Variants in PIK3R2 observed in about 807,000 individuals in gnomAD.
PIK3R2 encodes the protein phosphoinositide-3-kinase regulatory subunit 2, also known as phosphatidylinositol 3-kinase regulatory subunit beta.
PIK3R2 carries 40 observed loss-of-function variants against 78.5 expected under a neutral mutation model. That is an observed-to-expected ratio of 0.51 (90% CI 0.40 to 0.66). The LOEUF is 0.66. PIK3R2 is among the 30% of genes least tolerant of loss of function. The probability of loss-of-function intolerance (pLI) is 0.00; values close to 1 mark genes in which losing one functional copy is unlikely to be tolerated. For synonymous variants in PIK3R2, 473 were observed against 457.7 expected, an observed-to-expected ratio of 1.03 and a Z score of -0.43; for missense variants, 880 against 1,026.6, an observed-to-expected ratio of 0.86 and a Z score of 1.95.
rs2043825976 is a variant in PIK3R2 at position 18,167,951 on chromosome 19, C to G, written c.1737-524C>G. Among the ~76,000 whole-genome samples, 2 of 152,188 alleles carry G rather than the reference C, an allele frequency of 1.3e-5. No homozygotes were observed. Among genetic ancestry groups the G allele is most frequent in the African/African-American group, 4.8e-5 (2 of 41,442 alleles). On this transcript the variant is annotated intron_variant, in intron 13 of 15. Coordinates refer to ENST00000222254, the MANE Select transcript of PIK3R2 (RefSeq NM_005027.4). The surrounding 1 kb of genome is among the most constrained non-coding windows in gnomAD (Gnocchi z 4.5). ...GCCCTGTCCTGGGTTCAAATCAGTT[C>G]AAATCCTGCCCCCACCCACCAACCT... is the stretch of plus-strand genomic sequence containing the variant.
rs1277541326 is a variant in PIK3R2 at position 18,155,837 on chromosome 19, A to C, written c.-43A>C. Reference sequence around the variant, plus strand: ...AACCAATGGGGCCAGTGGGGCTCCAAGCAGCCACCTAACCATCCAGACCCC... The same window carrying C: ...AACCAATGGGGCCAGTGGGGCTCCACGCAGCCACCTAACCATCCAGACCCC... On this transcript the variant is annotated 5_prime_UTR_variant, in exon 2 of 16. Coordinates refer to ENST00000222254, the MANE Select transcript of PIK3R2 (RefSeq NM_005027.4). 4.0e-6 allele frequency: 6 copies of C among 1,485,554 alleles called. No individual in the cohort carries two copies. Among genetic ancestry groups the C allele is most frequent in the Admixed American group, 2.2e-5 (1 of 44,796 alleles). The allele number at this position is 1,485,554 out of a possible 1,614,324, so 92.0% of individuals were successfully genotyped here.
Position 18,169,171 on chromosome 19 carries a change from G to A in PIK3R2, c.2064G>A (p.Ser688=), listed in dbSNP as rs757487612. 3 of 1,610,282 alleles carry A rather than the reference G, an allele frequency of 1.9e-6. No homozygotes were observed. The highest frequency in any genetic ancestry group is 1.1e-5 in the South Asian group (1 of 91,056). The change falls in exon 16 of 16, where the codon TCG becomes TCA. Residue 688 remains serine, a synonymous_variant. Coordinates refer to ENST00000222254, the MANE Select transcript of PIK3R2 (RefSeq NM_005027.4). The part of the protein sequence containing the change: ...GFAEPYNLYG[S]LKELVLHYQH... ...CGGAGCCCTACAACCTGTACGGGTC[G>A]CTGAAGGAGCTGGTGCTGCACTACC...
intron 7 of PIK3R2, 57 bp from the exon 8 acceptor site, chr19:18,162,145 G>A: frequency 7.0e-7 from 1 of 1,433,708 alleles, no homozygotes; most frequent in South Asian, 1.1e-5. Context: ...GTTGCAGTGG[G>A]AGGCAGCCAC....
At chr19:18,164,828 G>A (rs2043790595) in intron 11 of PIK3R2, among the ~76,000 whole-genome samples, 1 of 149,170 alleles carries the variant, frequency 6.7e-6, no homozygotes, top group Non-Finnish European at 1.5e-5. Flanking sequence ...TAGAGATGGG[G>A]TTTTGCTGTG....
At position 18,169,473 on chromosome 19, in the gene PIK3R2, C is replaced by T; in HGVS notation, c.*179C>T. On this transcript the variant is annotated 3_prime_UTR_variant, in exon 16 of 16. Coordinates refer to ENST00000222254, the MANE Select transcript of PIK3R2 (RefSeq NM_005027.4). ...TCCTTCCCTCCCCCATTCTCCAGAT[C>T]TCCCTCTGTCTCCTTTTCTCTGTCT... 1 of 358,196 alleles carries T rather than the reference C, an allele frequency of 2.8e-6. No homozygotes were observed. Among genetic ancestry groups the T allele is most frequent in the Non-Finnish European group, 5.0e-6 (1 of 199,186 alleles). The allele number at this position is 358,196 out of a possible 1,614,324, so 22.2% of individuals were successfully genotyped here.
rs375657339 is a variant in PIK3R2 at position 18,155,544 on chromosome 19, G to A, written c.-336G>A. 4.5e-6 allele frequency: 2 copies of A among 445,980 alleles called. No individual in the cohort carries two copies. The highest frequency in any genetic ancestry group is 5.6e-4 in the Middle Eastern group (1 of 1,784). The allele number at this position is 445,980 out of a possible 1,614,324, so 27.6% of individuals were successfully genotyped here. Reference sequence around the variant, plus strand: ...CAGCCAGCAGAGCCGCCAGCCTTGGGCGCCCATGGCCCTCCGTGTGAGGGC... The same window carrying A: ...CAGCCAGCAGAGCCGCCAGCCTTGGACGCCCATGGCCCTCCGTGTGAGGGC... On this transcript the variant is annotated 5_prime_UTR_variant, in exon 2 of 16. Coordinates refer to ENST00000222254, the MANE Select transcript of PIK3R2 (RefSeq NM_005027.4).
rs748292142 is a variant in PIK3R2 at position 18,166,075 on chromosome 19, G to T, written c.1417-85G>T. On this transcript the variant is annotated intron_variant, in intron 11 of 15. Coordinates refer to ENST00000222254, the MANE Select transcript of PIK3R2 (RefSeq NM_005027.4). The stretch of plus-strand genomic sequence containing the variant: ...AGAGGGACCAGCTTGAGCAGTCTCC[G>T]TATCAGAGTTGAGATGTGCCTTTAC... The T allele has an allele frequency of 6.5e-6, 10 of 1,538,614 alleles. No individual in the cohort carries two copies. The African/African-American group carries it at 1.4e-4, about 21-fold the overall frequency.
Position 18,161,065 on chromosome 19 carries a change from A to G in PIK3R2, c.478A>G (p.Ser160Gly), listed in dbSNP as rs2147950067. ...LPAPRTDWSL[S>G]DVDQWDTAAL... Reference sequence around the variant, plus strand: ...CCCTGCACCCGCAGACTGGTCCCTGAGCGACGTGGATCAGTGGGACACGGC... The same window carrying G: ...CCCTGCACCCGCAGACTGGTCCCTGGGCGACGTGGATCAGTGGGACACGGC... Residue 160 changes from serine (S) to glycine (G), a missense_variant, in exon 5 of 16, where the codon AGC (serine) becomes GGC (glycine). This residue lies in a region of PIK3R2 where 456 missense variants were observed against 486.6 expected (regional missense o/e 0.94). Transcript: ENST00000222254. The surrounding 1 kb of genome is among the most constrained non-coding windows in gnomAD (Gnocchi z 5.3). The G allele has an allele frequency of 2.5e-6, 4 of 1,611,058 alleles. No homozygotes were observed. The highest frequency in any genetic ancestry group is 2.5e-6 in the Non-Finnish European group (3 of 1,179,144).
In PIK3R2 at chr19:18,162,064, T is replaced by C. The variant is rs760604724; in HGVS notation, c.901+13T>C. ...GTTGCGCCCCCAGGTGAGTCCCCTG[T>C]ATTGCTGTCATTTCTTCCCGTTGGG... On this transcript the variant is annotated intron_variant, in intron 7 of 15. Transcript: ENST00000222254. 6 of 1,610,526 alleles carry C rather than the reference T, an allele frequency of 3.7e-6. No homozygotes were observed.
At chr19:18,159,163 T>TTTTTTTTTTTTA (rs1555813899) in intron 2 of PIK3R2, among the ~76,000 whole-genome samples, 12 of 140,448 alleles carry the variant, frequency 8.5e-5, no homozygotes, top group Admixed American at 1.5e-4. Flanking sequence ...TTTTTTTTTT[T>TTTTTTTTTTTTA]AAATTATTTA....
In PIK3R2 at chr19:18,163,219, C is replaced by G. The variant is rs746153869; in HGVS notation, c.1291-44C>G. The stretch of plus-strand genomic sequence containing the variant: ...CAGGCCTCAGTTTCCTAGGTAGACC[C>G]GACCAGGCTATGCATCTCCCCTCAT... On this transcript the variant is annotated intron_variant, in intron 10 of 15. Transcript: ENST00000222254. 5 of 1,613,984 alleles carry G rather than the reference C, an allele frequency of 3.1e-6. No individual in the cohort carries two copies. The Admixed American group carries it at 8.3e-5, about 27-fold the overall frequency.
chr19:18,161,377 G>GCCCGCCGCGC lies in PIK3R2; in HGVS notation c.699_700insCGCCGCGCCC (p.Ser234ArgfsTer44). 5 of 1,257,232 alleles carry GCCCGCCGCGC rather than the reference G, an allele frequency of 4.0e-6. No individual in the cohort carries two copies. Among genetic ancestry groups the GCCCGCCGCGC allele is most frequent in the Non-Finnish European group, 5.0e-6 (5 of 1,002,364 alleles). 77.9% of individuals were successfully genotyped at this position (1,257,232 alleles called of 1,614,324 possible). On this transcript the variant is annotated frameshift_variant, in exon 6 of 16. Transcript: ENST00000222254. LOFTEE classifies it high-confidence loss of function. The surrounding 1 kb of genome is among the most constrained non-coding windows in gnomAD (Gnocchi z 5.3). ...CCTGCTCCAGCACCTGGGCCGCGTGGCCAGCCGCGCCCCGGCCCTGGGTCC... is the reference window on the plus strand; with the variant it reads ...CCTGCTCCAGCACCTGGGCCGCGTGGCCCGCCGCGCCCAGCCGCGCCCCGGCCCTGGGTCC...
chr19:18,157,453 A>G (rs1399714293), intron 2 of PIK3R2, among the ~76,000 whole-genome samples: 1 of 152,198 alleles, frequency 6.6e-6, no homozygotes, highest in Admixed American at 6.5e-5. Flanking sequence ...TCGAGGCCTC[A>G]GTTTCCTCAT....
At position 18,161,642 on chromosome 19, in the gene PIK3R2, G is replaced by A; in HGVS notation, c.815+147G>A. The A allele has an allele frequency of 2.0e-6, 1 of 506,280 alleles. No homozygotes were observed. Among genetic ancestry groups the A allele is most frequent in the Middle Eastern group, 5.3e-4 (1 of 1,890 alleles). The allele number at this position is 506,280 out of a possible 1,614,324, so 31.4% of individuals were successfully genotyped here. ...AGCTGCGTTCTTGTGATGACGGAGC[G>A]GAGACCTGGGCTCCTGAGTCGTGGG... On this transcript the variant is annotated intron_variant, in intron 6 of 15. Transcript: ENST00000222254. This position sits in a 1 kb window ranked among gnomAD's most constrained non-coding sequence, Gnocchi z 5.3.
At position 18,155,516 on chromosome 19, in the gene PIK3R2, G is replaced by A. The variant is rs2147944184; in HGVS notation, c.-364G>A. On this transcript the variant is annotated 5_prime_UTR_variant, in exon 2 of 16. In the 5' UTR this introduces an upstream ATG that the reference lacks. Transcript: ENST00000222254. The stretch of plus-strand genomic sequence containing the variant: ...CCTGCACCCTTGGCTCCCTTGTCTG[G>A]TGCAGCCAGCAGAGCCGCCAGCCTT... 2.3e-6 allele frequency: 1 copy of A among 435,546 alleles called. No homozygotes were observed. The allele number at this position is 435,546 out of a possible 1,614,324, so 27.0% of individuals were successfully genotyped here. A position where few individuals can be genotyped will look rare whatever the true frequency, so the allele number is the denominator to read the frequency against.
rs752430880 is a variant in PIK3R2 at position 18,156,150 on chromosome 19, C to T, written c.271C>T (p.Arg91Trp). 37 of 1,465,910 alleles carry T rather than the reference C, an allele frequency of 2.5e-5. No individual in the cohort carries two copies. Among genetic ancestry groups the T allele is most frequent in the African/African-American group, 3.0e-5 (2 of 67,758 alleles). 90.8% of individuals were successfully genotyped at this position (1,465,910 alleles called of 1,614,324 possible). Residue 91 changes from arginine (R) to tryptophan (W), a missense_variant, in exon 2 of 16, where the codon CGG becomes TGG. By Grantham distance (101) the Arg-to-Trp change is moderately radical. Transcript: ENST00000222254. This position sits in a 1 kb window ranked among gnomAD's most constrained non-coding sequence, Gnocchi z 4.2. ...VALARPGPRP[R>W]GPRPLPARPR... ...CCTGGCCCGGCCCGGCCCTCGCCCA[C>T]GGGGCCCCCGCCCACTGCCCGCCAG...
At chr19:18,154,784 G>C (rs2043659856) in intron 1 of PIK3R2, among the ~76,000 whole-genome samples, 1 of 151,258 alleles carries the variant, frequency 6.6e-6, no homozygotes, top group Non-Finnish European at 1.5e-5. Flanking sequence ...GTGATGAAAA[G>C]CCTGTTTACT....
At position 18,165,488 on chromosome 19, in the gene PIK3R2, C is replaced by T. The variant is rs180935742; in HGVS notation, c.1417-672C>T. 3.6e-4 allele frequency among the ~76,000 whole-genome samples: 54 copies of T among 151,990 alleles called. 1 individual carries two copies. In the South Asian group the frequency reaches 4.8e-3, roughly 13 times the overall value. ...GGCAGAGGTTGCAGTGAGCCAAGAT[C>T]ACGCCACTGCTCCAGCCTGGGCGAC... On this transcript the variant is annotated intron_variant, in intron 11 of 15. Transcript: ENST00000222254.
chr19:18,164,087 C>G (rs1265917320), intron 11 of PIK3R2, among the ~76,000 whole-genome samples: 1 of 152,046 alleles, frequency 6.6e-6, no homozygotes, highest in Non-Finnish European at 1.5e-5. Flanking sequence ...GATCGTGCTA[C>G]TACACTCCAG....
Sources: allele counts gnomAD v4.1 joint callset (sites outside exome capture counted in the v4.1 genomes callset), GRCh38; gene constraint gnomAD v4.1.1; regional missense constraint gnomAD v4.1.1; non-coding constraint Gnocchi (gnomAD v3.1); transcripts MANE v1.5; gene names NCBI Gene and HGNC (gene_info 2026-07-23, HGNC 2026-07-21).